The following COL7A1 variants were observed in gnomAD, a reference collection of about 807,000 sequenced individuals.
The protein encoded by COL7A1 is collagen alpha-1(VII) chain.
Under a neutral mutation model 456.2 loss-of-function variants are expected in COL7A1, and 296 were observed. The ratio of observed to expected loss-of-function variants is 0.65; its 90% CI spans 0.59 to 0.71. The LOEUF is 0.71. Ranked by LOEUF, COL7A1 falls within the 30% of genes least tolerant of loss-of-function variation. The pLI is 0.00. For missense variants in COL7A1, 3,441 were observed against 4,017.2 expected (o/e 0.86, Z 3.88); for synonymous variants, 1,464 against 1,525.9 (o/e 0.96, Z 0.95).
At position 48,580,982 on chromosome 3, in the gene COL7A1, A is replaced by C. The variant is rs2044713660; in HGVS notation, c.4936-56T>G. The C allele has an allele frequency of 6.2e-7, 1 of 1,609,798 alleles. No homozygotes were observed. Among genetic ancestry groups the C allele is most frequent in the Admixed American group, 1.7e-5 (1 of 59,682 alleles). On this transcript the variant is annotated intron_variant, in intron 53 of 118. Coordinates refer to ENST00000681320, the MANE Select transcript of COL7A1 (RefSeq NM_000094.4). The surrounding 1 kb of genome is among the most constrained non-coding windows in gnomAD (Gnocchi z 4.5). ...AGGGCAGTCAGGATCTAACTCACTC[A>C]GGGAGAGGGGACAGAGAAGGGTCTG...
chr3:48,591,845 C>G lies in COL7A1; in HGVS notation c.1358-23G>C. On this transcript the variant is annotated intron_variant, in intron 11 of 118. Transcript: ENST00000681320. This position sits in a 1 kb window ranked among gnomAD's most constrained non-coding sequence, Gnocchi z 7.0. Reference sequence around the variant, plus strand: ...AGCCTGCAAGATAACAGGGTCAGACCAGCAGAGGCCATGCCCTGACCCTTG... The same window carrying G: ...AGCCTGCAAGATAACAGGGTCAGACGAGCAGAGGCCATGCCCTGACCCTTG... 1 of 1,614,162 alleles carries G rather than the reference C, an allele frequency of 6.2e-7. No individual in the cohort carries two copies. The highest frequency in any genetic ancestry group is 1.1e-5 in the South Asian group (1 of 91,080).
intron 45 of COL7A1, 25 bp downstream of exon 45, chr3:48,582,584 G>T: frequency 6.2e-7 from 1 of 1,613,748 alleles, no homozygotes; most frequent in Non-Finnish European, 8.5e-7. Flanking sequence ...TCCCACTCCT[G>T]GTCCCACCAC....
In COL7A1 at chr3:48,564,621, T is replaced by TA. The variant is rs1213864019; in HGVS notation, c.8818+161dup. On this transcript the variant is annotated intron_variant, in intron 118 of 118. Coordinates refer to ENST00000681320, the MANE Select transcript of COL7A1 (RefSeq NM_000094.4). The surrounding 1 kb of genome is among the most constrained non-coding windows in gnomAD (Gnocchi z 6.0). ...TGGGGGCTCCACGGCTGGGGCTCTA[T>TA]ATTCAGCTCTTTGGTCTGGGCGTCT... is the stretch of plus-strand genomic sequence containing the variant. 5.8e-6 allele frequency: 6 copies of TA among 1,029,072 alleles called. No homozygotes were observed. Among genetic ancestry groups the TA allele is most frequent in the African/African-American group, 1.6e-5 (1 of 62,204 alleles). 63.7% of individuals were successfully genotyped at this position (1,029,072 alleles called of 1,614,324 possible).
At position 48,569,971 on chromosome 3, in the gene COL7A1, G is replaced by A. The variant is rs2043806654; in HGVS notation, c.7486-56C>T. The A allele has an allele frequency of 6.2e-7, 1 of 1,611,546 alleles. No homozygotes were observed. The highest frequency in any genetic ancestry group is 8.5e-7 in the Non-Finnish European group (1 of 1,178,174). On this transcript the variant is annotated intron_variant, in intron 99 of 118. Transcript: ENST00000681320. The surrounding 1 kb of genome is among the most constrained non-coding windows in gnomAD (Gnocchi z 4.9). The stretch of plus-strand genomic sequence containing the variant: ...GGAACCAGGGCAGTGGAGGACGGAG[G>A]AGGATCAGGGGGAGGAGGGAAACAG...
rs2043829760 is a variant in COL7A1, at chr3:48,570,349, G to A, written c.7381-15C>T. On this transcript the variant is annotated splice_polypyrimidine_tract_variant and intron_variant, in intron 97 of 118. Coordinates refer to ENST00000681320, the MANE Select transcript of COL7A1 (RefSeq NM_000094.4). The surrounding 1 kb of genome is among the most constrained non-coding windows in gnomAD (Gnocchi z 5.5). Reference sequence around the variant, plus strand: ...CCAGGGTCTCCCTGGAGACCAACAGGACACCGGGGATCAGTGAGGGGAATC... The same window carrying A: ...CCAGGGTCTCCCTGGAGACCAACAGAACACCGGGGATCAGTGAGGGGAATC... The A allele has an allele frequency of 6.2e-7, 1 of 1,614,066 alleles. No individual in the cohort carries two copies. Among genetic ancestry groups the A allele is most frequent in the South Asian group, 1.1e-5 (1 of 91,076 alleles).
At position 48,591,665 on chromosome 3, in the gene COL7A1, G is replaced by A. The variant is rs2045710765; in HGVS notation, c.1507+8C>T. The A allele has an allele frequency of 1.9e-6, 3 of 1,613,924 alleles. No homozygotes were observed. The highest frequency in any genetic ancestry group is 3.3e-4 in the Middle Eastern group (2 of 6,062). On this transcript the variant is annotated splice_region_variant and intron_variant, in intron 12 of 118. Coordinates refer to ENST00000681320, the MANE Select transcript of COL7A1 (RefSeq NM_000094.4). The surrounding 1 kb of genome is among the most constrained non-coding windows in gnomAD (Gnocchi z 7.0). ...CCCACTCACTGGCCCAGCCCACAGA[G>A]CCCTCACCAGTGGGAACCACGGTTG...
chr3:48,580,573 G>T lies in COL7A1; in HGVS notation c.5052+8C>A. The T allele has an allele frequency of 6.2e-7, 1 of 1,613,406 alleles. No homozygotes were observed. The highest frequency in any genetic ancestry group is 8.5e-7 in the Non-Finnish European group (1 of 1,179,666). On this transcript the variant is annotated splice_region_variant and intron_variant, in intron 55 of 118. Coordinates refer to ENST00000681320, the MANE Select transcript of COL7A1 (RefSeq NM_000094.4). The surrounding 1 kb of genome is among the most constrained non-coding windows in gnomAD (Gnocchi z 4.5). ...GGTTGGGGTGAGGAGTCATAGGCTGGGACTCACATTTCGTCCATCCTCTCC... is the reference window on the plus strand; with the variant it reads ...GGTTGGGGTGAGGAGTCATAGGCTGTGACTCACATTTCGTCCATCCTCTCC...
At chr3:48,582,163 C>A (rs1381082329) in intron 47 of COL7A1, among the ~76,000 whole-genome samples, 160 bp downstream of exon 47, 1 of 152,192 alleles carries the variant, frequency 6.6e-6, no homozygotes, top group Non-Finnish European at 1.5e-5. Context: ...AGGATCATAG[C>A]CAAGAGTCTG....
chr3:48,576,249 C>T lies in COL7A1; in HGVS notation c.5820G>A (p.Pro1940=), dbSNP rs200972872. The T allele has an allele frequency of 1.1e-4, 181 of 1,613,548 alleles. No individual in the cohort carries two copies. Among genetic ancestry groups the T allele is most frequent in the Admixed American group, 1.8e-4 (11 of 60,008 alleles). The change falls in exon 71 of 119, where the codon CCG becomes CCA. Residue 1940 remains proline, a splice_region_variant and synonymous_variant. Transcript: ENST00000681320. Reference sequence around the variant, plus strand: ...AGGGGACATCCCAAGCCTGGCTCACCGGCACACTTCCAGGCTCTCCTCGCA... The same window carrying T: ...AGGGGACATCCCAAGCCTGGCTCACTGGCACACTTCCAGGCTCTCCTCGCA... The part of the protein sequence containing the change: ...RGLRGEPGSV[P]NVDRLLETAG...
Position 48,567,331 on chromosome 3 carries a change from C to A in COL7A1, c.8047-141G>T. 9.2e-7 allele frequency: 1 copy of A among 1,089,110 alleles called. No individual in the cohort carries two copies. The highest frequency in any genetic ancestry group is 1.3e-5 in the South Asian group (1 of 77,156). The allele number at this position is 1,089,110 out of a possible 1,614,324, so 67.5% of individuals were successfully genotyped here. A position where few individuals can be genotyped will look rare whatever the true frequency, so the allele number is the denominator to read the frequency against. ...CCTGTGAGCCAACCAGATGTGATCC[C>A]CATGACTCCAACTCCACTATAGCCC... On this transcript the variant is annotated intron_variant, in intron 109 of 118. Transcript: ENST00000681320. This position sits in a 1 kb window ranked among gnomAD's most constrained non-coding sequence, Gnocchi z 4.3.
rs1180004805 is a variant in COL7A1, at chr3:48,581,004, T to C, written c.4936-78A>G. The C allele has an allele frequency of 6.2e-7, 1 of 1,603,770 alleles. No homozygotes were observed. The highest frequency in any genetic ancestry group is 8.5e-7 in the Non-Finnish European group (1 of 1,172,100). The stretch of plus-strand genomic sequence containing the variant: ...CTCAGGGAGAGGGGACAGAGAAGGG[T>C]CTGAGCAGCAGCTGGACAGGAGGCA... On this transcript the variant is annotated intron_variant, in intron 53 of 118. Transcript: ENST00000681320. This position sits in a 1 kb window ranked among gnomAD's most constrained non-coding sequence, Gnocchi z 5.8.
In COL7A1 at chr3:48,564,535, C is replaced by CT; in HGVS notation, c.8819-114dup. 7.4e-7 allele frequency: 1 copy of CT among 1,344,300 alleles called. No individual in the cohort carries two copies. The highest frequency in any genetic ancestry group is 1.0e-6 in the Non-Finnish European group (1 of 952,864). 83.3% of individuals were successfully genotyped at this position (1,344,300 alleles called of 1,614,324 possible). The stretch of plus-strand genomic sequence containing the variant: ...GAGGCTACAACAGGAAGTGGGGGCT[C>CT]TGACCTCAGAGGGGTCCATACTTAG... On this transcript the variant is annotated intron_variant, in intron 118 of 118. Transcript: ENST00000681320. This position sits in a 1 kb window ranked among gnomAD's most constrained non-coding sequence, Gnocchi z 6.0.
intron 44 of COL7A1, 74 bp from the exon 45 acceptor site, chr3:48,582,727 G>T: frequency 6.5e-7 from 1 of 1,527,626 alleles, no homozygotes; most frequent in Non-Finnish European, 9.0e-7. Flanking sequence ...CTAGAGGCTG[G>T]GGTGGGGGCT....
At position 48,565,446 on chromosome 3, in the gene COL7A1, C is replaced by T. The variant is rs2043561664; in HGVS notation, c.8491G>A (p.Val2831Met). The T allele has an allele frequency of 1.9e-6, 3 of 1,613,066 alleles. No homozygotes were observed. The highest frequency in any genetic ancestry group is 2.5e-6 in the Non-Finnish European group (3 of 1,179,554). Reference sequence around the variant, plus strand: ...GCATGAGAGACGCGGAGCACAGGCACAGCATGGAGCTGGGAGCCGGCAGTG... The same window carrying T: ...GCATGAGAGACGCGGAGCACAGGCATAGCATGGAGCTGGGAGCCGGCAGTG... ...ADTAGSQLHAVPVLRVSHAEE... is the reference protein window; with the variant it reads ...ADTAGSQLHAMPVLRVSHAEE... Residue 2831 changes from valine to methionine, a missense_variant, in exon 116 of 119, where the codon GTG (valine) becomes ATG (methionine). Physicochemically the swap from Val to Met is conservative, Grantham distance 21. Transcript: ENST00000681320. This position sits in a 1 kb window ranked among gnomAD's most constrained non-coding sequence, Gnocchi z 4.5.
At position 48,584,384 on chromosome 3, in the gene COL7A1, G is replaced by C; in HGVS notation, c.4120-9C>G. ...CGAGGTCCAGGGGGGCCCTGATGGAGGAGACAAAGTATAAGGTGCAACCCC... is the reference window on the plus strand; with the variant it reads ...CGAGGTCCAGGGGGGCCCTGATGGACGAGACAAAGTATAAGGTGCAACCCC... On this transcript the variant is annotated splice_polypyrimidine_tract_variant and intron_variant, in intron 36 of 118. Transcript: ENST00000681320. 1 of 1,613,748 alleles carries C rather than the reference G, an allele frequency of 6.2e-7. No homozygotes were observed. Among genetic ancestry groups the C allele is most frequent in the African/African-American group, 1.3e-5 (1 of 75,006 alleles).
rs1467947665 is a variant in COL7A1, at chr3:48,564,500, G to A, written c.8819-78C>T. 1.3e-6 allele frequency: 2 copies of A among 1,549,022 alleles called. No homozygotes were observed. Among genetic ancestry groups the A allele is most frequent in the African/African-American group, 2.7e-5 (2 of 73,484 alleles). ...CGCTCAGGCAGAGGCACCGCCAAGG[G>A]GAGGGAGCGGAGGCTACAACAGGAA... On this transcript the variant is annotated intron_variant, in intron 118 of 118. Coordinates refer to ENST00000681320, the MANE Select transcript of COL7A1 (RefSeq NM_000094.4). This position sits in a 1 kb window ranked among gnomAD's most constrained non-coding sequence, Gnocchi z 6.0.
At position 48,587,111 on chromosome 3, in the gene COL7A1, G is replaced by T. The variant is rs763870721; in HGVS notation, c.3140-3C>A. Reference sequence around the variant, plus strand: ...ATCCGCCAGGCCACGGGGGCACACTGTAGGAAGGGGAACAAGTTACTGAAG... The same window carrying T: ...ATCCGCCAGGCCACGGGGGCACACTTTAGGAAGGGGAACAAGTTACTGAAG... On this transcript the variant is annotated splice_polypyrimidine_tract_variant and splice_region_variant and intron_variant, in intron 24 of 118. Transcript: ENST00000681320. The surrounding 1 kb of genome is among the most constrained non-coding windows in gnomAD (Gnocchi z 6.1). 6.2e-6 allele frequency: 10 copies of T among 1,613,092 alleles called. 1 individual carries two copies. In the South Asian group the frequency reaches 9.9e-5, roughly 16 times the overall value.
rs774535789 is a variant in COL7A1, at chr3:48,574,492, T to C, written c.6452A>G (p.Asn2151Ser). The change falls in exon 79 of 119, where the codon AAC becomes AGC. Residue 2151 changes from asparagine (N) to serine (S), a missense_variant. Physicochemically the swap from Asn to Ser is conservative, Grantham distance 46 (BLOSUM62 1). Transcript: ENST00000681320. This position sits in a 1 kb window ranked among gnomAD's most constrained non-coding sequence, Gnocchi z 5.0. The part of the protein sequence containing the change: ...GEPGPRGQDG[N>S]PGLPGERGMA... Reference sequence around the variant, plus strand: ...GGCTGTTGGGCAAGGACTTACCGGGTTGCCGTCCTGACCCCTCGGTCCAGG... The same window carrying C: ...GGCTGTTGGGCAAGGACTTACCGGGCTGCCGTCCTGACCCCTCGGTCCAGG... 1.4e-5 allele frequency: 22 copies of C among 1,613,948 alleles called. 1 individual carries two copies. In the South Asian group the frequency reaches 1.9e-4, roughly 14 times the overall value.
Position 48,578,819 on chromosome 3 carries a change from C to CG in COL7A1, c.5424+99dup, listed in dbSNP as rs2044509859. 1 of 1,298,196 alleles carries CG rather than the reference C, an allele frequency of 7.7e-7. No individual in the cohort carries two copies. Among genetic ancestry groups the CG allele is most frequent in the African/African-American group, 1.5e-5 (1 of 67,070 alleles). 80.4% of individuals were successfully genotyped at this position (1,298,196 alleles called of 1,614,324 possible). A position where few individuals can be genotyped will look rare whatever the true frequency, so the allele number is the denominator to read the frequency against. ...GACCCTCCCAAAGGCAAGGCTGAAC[C>CG]GACCCCCCACCAACTCTCTCGGATG... On this transcript the variant is annotated intron_variant, in intron 63 of 118. Coordinates refer to ENST00000681320, the MANE Select transcript of COL7A1 (RefSeq NM_000094.4). The surrounding 1 kb of genome is among the most constrained non-coding windows in gnomAD (Gnocchi z 4.7).
Sources: allele counts gnomAD v4.1 joint callset (sites outside exome capture counted in the v4.1 genomes callset), GRCh38; gene constraint gnomAD v4.1.1; non-coding constraint Gnocchi (gnomAD v3.1); transcripts MANE v1.5; gene names NCBI Gene and HGNC (gene_info 2026-07-23, HGNC 2026-07-21).